SUCLA2: variants seen among roughly 807,000 people sequenced by gnomAD.
SUCLA2 encodes the protein succinate--CoA ligase [ADP-forming] subunit beta, mitochondrial.
A neutral mutation model predicts 54.8 loss-of-function variants in SUCLA2; 30 were observed. The observed-to-expected ratio is 0.55, with a 90% CI of 0.41 to 0.74. The LOEUF (loss-of-function observed/expected upper bound fraction) is 0.74, where lower values mean the gene tolerates loss of function less well. SUCLA2 is among the 30% of genes least tolerant of loss of function. The pLI is 0.00. For missense variants in SUCLA2, 476 were observed against 562.9 expected, an observed-to-expected ratio of 0.85 and a Z score of 1.56; for synonymous variants, 172 against 188.9, an observed-to-expected ratio of 0.91 and a Z score of 0.74.
intron 6 of SUCLA2, among the ~76,000 whole-genome samples, chr13:47,961,935 T>C (rs1438664023): frequency 1.3e-5 from 2 of 152,236 alleles, no homozygotes; most frequent in Non-Finnish European, 2.9e-5. Flanking sequence ...GATTCTTTAA[T>C]GCAGGTTTCT....
chr13:47,961,327 A>G (rs974477408), intron 6 of SUCLA2, among the ~76,000 whole-genome samples: 4 of 152,144 alleles, frequency 2.6e-5, no homozygotes, highest in African/African-American at 9.7e-5. Context: ...TCTTTATTAC[A>G]TCTTATTGCT....
chr13:47,987,388 G>A (rs1223941490), intron 4 of SUCLA2, among the ~76,000 whole-genome samples: 1 of 151,956 alleles, frequency 6.6e-6, no homozygotes, highest in East Asian at 1.9e-4. Flanking sequence ...TCAATGAAAA[G>A]AAAAATAAAA....
At position 47,949,021 on chromosome 13, in the gene SUCLA2, T is replaced by C. The variant is rs752962816; in HGVS notation, c.1236A>G (p.Arg412=). ...IPVVVRLQGT[R]VDDAKALIAD... ...CTATCAGTGCCTTAGCATCATCGAC[T>C]CGTGTACCTGTAAATGATTTATGCA... Residue 412 remains arginine, a synonymous_variant, in exon 10 of 11, where the codon CGA becomes CGG. Coordinates refer to ENST00000646932, the MANE Select transcript of SUCLA2 (RefSeq NM_003850.3). The C allele has an allele frequency of 6.2e-7, 1 of 1,613,498 alleles. No homozygotes were observed. The highest frequency in any genetic ancestry group is 8.5e-7 in the Non-Finnish European group (1 of 1,179,590).
intron 6 of SUCLA2, among the ~76,000 whole-genome samples, chr13:47,962,623 ACT>A (rs747364624): frequency 3.0e-4 from 45 of 151,834 alleles, no homozygotes; most frequent in Admixed American, 3.9e-4. Flanking sequence ...GTCAGAAGAA[ACT>A]CTCTATTAGA....
intron 2 of SUCLA2, among the ~76,000 whole-genome samples, chr13:47,992,132 T>A (rs1001956496): frequency 1.3e-5 from 2 of 152,274 alleles, no homozygotes; most frequent in African/African-American, 4.8e-5. Context: ...AAATGTAATG[T>A]AAAAAATGGT....
At chr13:47,972,144 A>G (rs1265659243) in intron 5 of SUCLA2, 2 of 316,756 alleles carry the variant, frequency 6.3e-6, no homozygotes, top group Non-Finnish European at 1.1e-5. Flanking sequence ...AGTCCCAGCT[A>G]GTCGGTAGGC....
At chr13:47,986,619 C>T (rs551602140) in intron 4 of SUCLA2, among the ~76,000 whole-genome samples, 8 of 152,154 alleles carry the variant, frequency 5.3e-5, no homozygotes, top group South Asian at 4.1e-4. Flanking sequence ...TCTTTGCCCG[C>T]GCCTATGTCC....
chr13:47,965,382 C>T (rs1265619361), intron 6 of SUCLA2, among the ~76,000 whole-genome samples: 1 of 151,022 alleles, frequency 6.6e-6, no homozygotes, highest in Non-Finnish European at 1.5e-5. Flanking sequence ...AACAAACCAA[C>T]ATAATGTACC....
intron 2 of SUCLA2, among the ~76,000 whole-genome samples, chr13:47,992,857 A>C (rs562039575): frequency 6.6e-6 from 1 of 152,400 alleles, no homozygotes; most frequent in South Asian, 2.1e-4. Flanking sequence ...GTATCTATTC[A>C]ACCAGATAGG....
chr13:47,964,668 T>C (rs1036359657), intron 6 of SUCLA2, among the ~76,000 whole-genome samples: 10 of 151,998 alleles, frequency 6.6e-5, no homozygotes, highest in Non-Finnish European at 1.2e-4. Context: ...CCATCCTGGC[T>C]AACACGGTGA....
chr13:47,999,935 A>G (rs970297973), intron 1 of SUCLA2, among the ~76,000 whole-genome samples: 5 of 152,172 alleles, frequency 3.3e-5, no homozygotes, highest in Non-Finnish European at 7.3e-5. Flanking sequence ...GAAGGCTTTT[A>G]AATGAACTTC....
At chr13:47,958,369 A>G (rs903369997) in intron 6 of SUCLA2, among the ~76,000 whole-genome samples, 2 of 152,164 alleles carry the variant, frequency 1.3e-5, no homozygotes, top group Non-Finnish European at 2.9e-5. Context: ...GTATACATAC[A>G]TGTCTAGATG....
intron 2 of SUCLA2, among the ~76,000 whole-genome samples, chr13:47,992,403 AAAAAAAAT>A (rs1488444335): frequency 8.5e-5 from 13 of 152,096 alleles, no homozygotes; most frequent in African/African-American, 3.1e-4. Context: ...AAAAAAAAAA[AAAAAAAAT>A]TTTTCATGAA....
rs561884773 is a variant in SUCLA2, at chr13:47,948,594, C to T, written c.1317+346G>A. ...TGCTTAAGTCAGTTTAGCCAGGATC[C>T]TCCCTTACCCATAATGTATCCTTTT... On this transcript the variant is annotated intron_variant, in intron 10 of 10. Transcript: ENST00000646932. Among the ~76,000 whole-genome samples, 3 of 152,158 alleles carry T rather than the reference C, an allele frequency of 2.0e-5. No homozygotes were observed. The South Asian group carries it at 6.2e-4, about 32-fold the overall frequency.
chr13:47,993,495 A>C (rs1950165878), intron 2 of SUCLA2, among the ~76,000 whole-genome samples: 1 of 152,098 alleles, frequency 6.6e-6, no homozygotes, highest in Admixed American at 6.6e-5. Context: ...TCCTAACCTC[A>C]ATTATTCACA....
chr13:47,991,285 C>CT (rs997982310), intron 2 of SUCLA2, among the ~76,000 whole-genome samples: 2 of 152,190 alleles, frequency 1.3e-5, no homozygotes, highest in Non-Finnish European at 2.9e-5. Context: ...CTAGGCCCTC[C>CT]TGGTTGCTCA....
intron 2 of SUCLA2, among the ~76,000 whole-genome samples, chr13:47,996,323 CAAAA>C (rs750012963): frequency 5.3e-5 from 5 of 93,552 alleles, no homozygotes; most frequent in Admixed American, 1.2e-4. Context: ...AACTCCGTCT[CAAAA>C]AAAAAAAAAA....
chr13:47,973,668 T>C (rs1949985914), intron 4 of SUCLA2, among the ~76,000 whole-genome samples: 1 of 152,060 alleles, frequency 6.6e-6, no homozygotes, highest in Non-Finnish European at 1.5e-5. Flanking sequence ...TATACCACAA[T>C]AGCAACAACT....
intron 6 of SUCLA2, among the ~76,000 whole-genome samples, chr13:47,967,848 C>CA (rs11349393): frequency 1.6e-3 from 156 of 96,146 alleles, no homozygotes; most frequent in South Asian, 3.5e-3. Flanking sequence ...GACTCAGTCT[C>CA]AAAAAAAAAA....
Sources: allele counts gnomAD v4.1 joint callset (sites outside exome capture counted in the v4.1 genomes callset), GRCh38; gene constraint gnomAD v4.1.1; transcripts MANE v1.5; gene names NCBI Gene and HGNC (gene_info 2026-07-23, HGNC 2026-07-21).